The following PPP2CA variants were observed in gnomAD, a reference collection of about 807,000 sequenced individuals.
PPP2CA encodes the protein serine/threonine-protein phosphatase 2A catalytic subunit alpha isoform.
PPP2CA carries 5 observed loss-of-function variants against 38.8 expected under a neutral mutation model. The observed-to-expected ratio is 0.13, with a 90% CI of 0.07 to 0.27. PPP2CA has a LOEUF of 0.27. PPP2CA is among the 10% of genes least tolerant of loss of function. PPP2CA has a pLI of 1.00. For missense variants in PPP2CA, 88 were observed against 389.7 expected, an observed-to-expected ratio of 0.23 and a Z score of 6.52; for synonymous variants, 152 against 134.0, an observed-to-expected ratio of 1.13 and a Z score of -0.93.
At chr5:134,224,572 AC>A (rs1406484266) in intron 1 of PPP2CA, among the ~76,000 whole-genome samples, 1 of 152,258 alleles carries the variant, frequency 6.6e-6, no homozygotes, top group African/African-American at 2.4e-5. Context: ...ACTATTCTGT[AC>A]TAAAGTGACG....
chr5:134,213,511 C>T (rs1762252578), intron 1 of PPP2CA, among the ~76,000 whole-genome samples: 2 of 151,566 alleles, frequency 1.3e-5, no homozygotes, highest in African/African-American at 2.4e-5. Context: ...ATTAGCTGGG[C>T]ATAGTGGTAC....
At chr5:134,204,705 C>G (rs779432137) in intron 2 of PPP2CA, among the ~76,000 whole-genome samples, 1 of 151,988 alleles carries the variant, frequency 6.6e-6, no homozygotes, top group Non-Finnish European at 1.5e-5. Context: ...TGATCCTTCC[C>G]GCCTTCCCCA....
At chr5:134,207,543 T>C (rs1762109886) in intron 1 of PPP2CA, among the ~76,000 whole-genome samples, 1 of 152,100 alleles carries the variant, frequency 6.6e-6, no homozygotes, top group Non-Finnish European at 1.5e-5. Flanking sequence ...TAAGAACCAC[T>C]GCACTTTGGG....
At chr5:134,210,028 T>G (rs1438961774) in intron 1 of PPP2CA, among the ~76,000 whole-genome samples, 2 of 151,614 alleles carry the variant, frequency 1.3e-5, no homozygotes, top group Non-Finnish European at 2.9e-5. Context: ...CAGTCAGCCA[T>G]GATCACTTGA....
At chr5:134,201,767 G>A (rs928599838) in intron 3 of PPP2CA, 81 bp downstream of exon 3, 4 of 1,427,472 alleles carry the variant, frequency 2.8e-6, no homozygotes, top group Non-Finnish European at 2.9e-6. Flanking sequence ...GGTGTTAAGA[G>A]TGGAAAGAGT....
At chr5:134,224,470 G>A (rs530652237) in intron 1 of PPP2CA, 2 of 352,880 alleles carry the variant, frequency 5.7e-6, no homozygotes, top group Non-Finnish European at 1.1e-5. Context: ...TCAAACTCAT[G>A]AACCTAATTT....
rs530982013 is a variant in PPP2CA at position 134,226,006 on chromosome 5, C to T, written c.-145G>A. On this transcript the variant is annotated 5_prime_UTR_variant, in exon 1 of 7. Coordinates refer to ENST00000481195, the MANE Select transcript of PPP2CA (RefSeq NM_002715.4). ...GGCGCTGGCCCGCTGGCTCTCACCG[C>T]AGTACTCGGCCGTCGGCCGCTGCGC... The T allele has an allele frequency of 3.0e-5, 19 of 643,420 alleles. No homozygotes were observed. Among genetic ancestry groups the T allele is most frequent in the Non-Finnish European group, 4.6e-5 (18 of 393,658 alleles). 39.9% of individuals were successfully genotyped at this position (643,420 alleles called of 1,614,324 possible).
At chr5:134,209,024 G>C (rs73284598) in intron 1 of PPP2CA, among the ~76,000 whole-genome samples, 15,099 of 151,978 alleles carry the variant, frequency 0.099, 887 homozygotes, top group Admixed American at 0.16. Context: ...CATTTCCTGA[G>C]AGAAGATACT....
rs1429501847 is a variant in PPP2CA, at chr5:134,195,438, G to T, written c.*2334C>A. The T allele has an allele frequency of 1.3e-5, 2 of 152,284 alleles. No individual in the cohort carries two copies. Among genetic ancestry groups the T allele is most frequent in the African/African-American group, 4.8e-5 (2 of 41,516 alleles). 9.4% of individuals were successfully genotyped at this position (152,284 alleles called of 1,614,324 possible). ...GATTTTCATATTTTTTGTAGAGATG[G>T]GGTTTTGCCATGTTGGCCAGGCTGC... is the stretch of plus-strand genomic sequence containing the variant. On this transcript the variant is annotated 3_prime_UTR_variant, in exon 7 of 7. Coordinates refer to ENST00000481195, the MANE Select transcript of PPP2CA (RefSeq NM_002715.4).
At position 134,216,472 on chromosome 5, in the gene PPP2CA, G is replaced by A. The variant is rs572561707; in HGVS notation, c.102+9288C>T. On this transcript the variant is annotated intron_variant, in intron 1 of 6. Coordinates refer to ENST00000481195, the MANE Select transcript of PPP2CA (RefSeq NM_002715.4). Reference sequence around the variant, plus strand: ...GGAGAATCACTTGAACCCATGAGGCGGAGGTTGCAGTGGGCTGAGATTGTG... The same window carrying A: ...GGAGAATCACTTGAACCCATGAGGCAGAGGTTGCAGTGGGCTGAGATTGTG... Among the ~76,000 whole-genome samples the A allele has an allele frequency of 1.0e-4, 15 of 143,008 alleles. No homozygotes were observed. The East Asian group carries it at 2.5e-3, about 24-fold the overall frequency. The allele number at this position is 143,008 out of a possible 152,430, so 93.8% of individuals were successfully genotyped here.
rs1344665306 is a variant in PPP2CA at position 134,196,747 on chromosome 5, C to T, written c.*1025G>A. On this transcript the variant is annotated 3_prime_UTR_variant, in exon 7 of 7. Transcript: ENST00000481195. ...AGTTTAAGCTCTACCTGAAAACATG[C>T]TGTTTTATTAAAACAAAACCCAAAG... The T allele has an allele frequency of 6.6e-6, 1 of 152,216 alleles. No homozygotes were observed. Among genetic ancestry groups the T allele is most frequent in the Non-Finnish European group, 1.5e-5 (1 of 68,030 alleles). The allele number at this position is 152,216 out of a possible 1,614,324, so 9.4% of individuals were successfully genotyped here. A position where few individuals can be genotyped will look rare whatever the true frequency, so the allele number is the denominator to read the frequency against.
At chr5:134,218,252 T>C (rs1762362773) in intron 1 of PPP2CA, among the ~76,000 whole-genome samples, 1 of 152,228 alleles carries the variant, frequency 6.6e-6, no homozygotes, top group African/African-American at 2.4e-5. Context: ...ACTAGTATTT[T>C]CTGTTTGGCT....
rs916001933 is a variant in PPP2CA, at chr5:134,195,973, A to T, written c.*1799T>A. 4 of 152,252 alleles carry T rather than the reference A, an allele frequency of 2.6e-5. No homozygotes were observed. 9.4% of individuals were successfully genotyped at this position (152,252 alleles called of 1,614,324 possible). A position where few individuals can be genotyped will look rare whatever the true frequency, so the allele number is the denominator to read the frequency against. On this transcript the variant is annotated 3_prime_UTR_variant, in exon 7 of 7. Coordinates refer to ENST00000481195, the MANE Select transcript of PPP2CA (RefSeq NM_002715.4). ...TGCTTGGTGTCTAGATTGTTTGGGT[A>T]TTAAAACCACTGCACATGGATAAGC...
At chr5:134,210,445 G>A (rs1053468185) in intron 1 of PPP2CA, among the ~76,000 whole-genome samples, 1 of 152,136 alleles carries the variant, frequency 6.6e-6, no homozygotes, top group Admixed American at 6.5e-5. Flanking sequence ...AGCAAAACAC[G>A]CATACCAAAC....
At position 134,225,882 on chromosome 5, in the gene PPP2CA, G is replaced by A. The variant is rs771265071; in HGVS notation, c.-21C>T. ...TCCATGATGCCACCCGCCCCAGCCG[G>A]CTGCCGCTCCGCGCTGCTCCCGCGC... is the stretch of plus-strand genomic sequence containing the variant. On this transcript the variant is annotated 5_prime_UTR_variant, in exon 1 of 7. Coordinates refer to ENST00000481195, the MANE Select transcript of PPP2CA (RefSeq NM_002715.4). The A allele has an allele frequency of 6.3e-7, 1 of 1,599,524 alleles. No homozygotes were observed. Among genetic ancestry groups the A allele is most frequent in the South Asian group, 1.1e-5 (1 of 90,758 alleles).
intron 1 of PPP2CA, among the ~76,000 whole-genome samples, chr5:134,214,576 A>C (rs1002243660): frequency 6.6e-6 from 1 of 152,140 alleles, no homozygotes; most frequent in African/African-American, 2.4e-5. Context: ...TGGTATCACT[A>C]ATTTAATTGG....
chr5:134,198,977 A>G (rs1353539189), intron 6 of PPP2CA, 109 bp downstream of exon 6: 2 of 823,240 alleles, frequency 2.4e-6, no homozygotes, highest in Non-Finnish European at 4.0e-6. Context: ...TCAGCCTAGG[A>G]GTTCGAGACA....
At position 134,225,478 on chromosome 5, in the gene PPP2CA, C is replaced by T. The variant is rs1056666979; in HGVS notation, c.102+282G>A. The stretch of plus-strand genomic sequence containing the variant: ...CCCTGACGATGACCCACAGGGTCTC[C>T]GCTCCCCCTGCCACCTCGTCTGGCG... On this transcript the variant is annotated intron_variant, in intron 1 of 6. Transcript: ENST00000481195. The T allele has an allele frequency of 7.9e-6, 3 of 378,760 alleles. No homozygotes were observed. In the Admixed American group the frequency reaches 1.4e-4, roughly 18 times the overall value. 23.5% of individuals were successfully genotyped at this position (378,760 alleles called of 1,614,324 possible). A position where few individuals can be genotyped will look rare whatever the true frequency, so the allele number is the denominator to read the frequency against.
chr5:134,218,931 AGTGCTGGGATTCCAGGC>A (rs1215113136), intron 1 of PPP2CA, among the ~76,000 whole-genome samples: 18 of 152,130 alleles, frequency 1.2e-4, no homozygotes, highest in African/African-American at 1.9e-4. Context: ...AGCCTCCCAA[AGTGCTGGGATTCCAGGC>A]GTGAGCCACT....
Sources: allele counts gnomAD v4.1 joint callset (sites outside exome capture counted in the v4.1 genomes callset), GRCh38; gene constraint gnomAD v4.1.1; transcripts MANE v1.5; gene names NCBI Gene and HGNC (gene_info 2026-07-23, HGNC 2026-07-21).